NXPE2: variants seen among roughly 807,000 people sequenced by gnomAD.
NXPE2 encodes the protein neurexophilin and PC-esterase domain family member 2, also known as NXPE family member 2.
In NXPE2, 34 loss-of-function variants were observed where a neutral mutation model predicts 34.4. The observed-to-expected ratio is 0.99, with a 90% CI of 0.75 to 1.31. NXPE2 has a LOEUF of 1.31. Among genes scored for constraint, NXPE2 ranks in the 40% most tolerant of loss-of-function variants. NXPE2 has a pLI of 0.00. For synonymous variants in NXPE2, 235 were observed against 231.3 expected (o/e 1.02, Z -0.15); for missense variants, 649 against 672.5 (o/e 0.97, Z 0.39).
At chr11:114,492,778 A>G in the NXPE2 span, among the ~76,000 whole-genome samples, 1 of 152,080 alleles carries the variant, frequency 6.6e-6, no homozygotes, top group Non-Finnish European at 1.5e-5. Flanking sequence ...TGACCTCGTG[A>G]TCCGCCTGCC....
At chr11:114,683,673 C>T (rs1950989347) in intron 2 of NXPE2, among the ~76,000 whole-genome samples, 1 of 152,140 alleles carries the variant, frequency 6.6e-6, no homozygotes, top group Non-Finnish European at 1.5e-5. Flanking sequence ...CCCTCCTTGG[C>T]CTCCCAAGAG....
chr11:114,591,568 A>C, the NXPE2 span, among the ~76,000 whole-genome samples: 1 of 152,078 alleles, frequency 6.6e-6, no homozygotes, highest in East Asian at 1.9e-4. Context: ...AAAGAAATTA[A>C]GCCTCAGTAC....
the NXPE2 span, among the ~76,000 whole-genome samples, chr11:114,663,489 G>C: frequency 1.3e-5 from 2 of 152,080 alleles, no homozygotes; most frequent in Non-Finnish European, 2.9e-5. Context: ...AAGAGCATGA[G>C]TGTCCCACCC....
chr11:114,605,622 G>A, the NXPE2 span, among the ~76,000 whole-genome samples: 8 of 151,890 alleles, frequency 5.3e-5, no homozygotes, highest in Non-Finnish European at 7.4e-5. Flanking sequence ...TGGATAATAA[G>A]TGTTGCCTCG....
intron 3 of NXPE2, among the ~76,000 whole-genome samples, chr11:114,701,438 G>A (rs907760553): frequency 2.6e-5 from 4 of 152,032 alleles, no homozygotes; most frequent in African/African-American, 7.2e-5. Context: ...CTTCTCAAGG[G>A]GGCTGTGCTC....
upstream of NXPE2, among the ~76,000 whole-genome samples, chr11:114,674,933 A>G (rs749437538): frequency 3.3e-5 from 5 of 151,868 alleles, no homozygotes; most frequent in Non-Finnish European, 5.9e-5. Context: ...ATTCAATAGC[A>G]CATTGAAAGA....
the NXPE2 span, among the ~76,000 whole-genome samples, chr11:114,636,031 G>A: frequency 2.0e-5 from 3 of 151,940 alleles, no homozygotes; most frequent in African/African-American, 7.3e-5. Flanking sequence ...AATAGTTTCA[G>A]AAGGAACGGT....
At chr11:114,613,187 G>T in the NXPE2 span, among the ~76,000 whole-genome samples, 1 of 151,786 alleles carries the variant, frequency 6.6e-6, no homozygotes, top group Admixed American at 6.6e-5. Context: ...TTGCCTCTAG[G>T]GTAACCACTG....
the NXPE2 span, among the ~76,000 whole-genome samples, chr11:114,536,394 T>C: frequency 6.6e-5 from 10 of 152,004 alleles, no homozygotes; most frequent in South Asian, 4.2e-4. Flanking sequence ...AGAGCAAACA[T>C]ATTCAAAAGC....
chr11:114,550,674 A>G, the NXPE2 span, among the ~76,000 whole-genome samples: 2,057 of 152,298 alleles, frequency 0.014, 37 homozygotes, highest in African/African-American at 0.046. Context: ...AAAACTTTCT[A>G]ACTGTGACTT....
the NXPE2 span, among the ~76,000 whole-genome samples, chr11:114,603,444 A>G: frequency 1.2e-5 from 1 of 82,084 alleles, no homozygotes; most frequent in Non-Finnish European, 2.6e-5. Context: ...TCCTAGGTAA[A>G]TTCCATTACC....
At chr11:114,806,070 T>C in the NXPE2 span, among the ~76,000 whole-genome samples, 2 of 152,188 alleles carry the variant, frequency 1.3e-5, no homozygotes, top group African/African-American at 4.8e-5. Flanking sequence ...CCGCTGCTGG[T>C]ACCCAGGCAA....
the NXPE2 span, among the ~76,000 whole-genome samples, chr11:114,540,178 A>T: frequency 6.6e-6 from 1 of 152,154 alleles, no homozygotes; most frequent in African/African-American, 2.4e-5. Context: ...GCTGGCCTCA[A>T]ACTCCTGACC....
the NXPE2 span, among the ~76,000 whole-genome samples, chr11:114,616,989 G>T: frequency 6.7e-6 from 1 of 149,928 alleles, no homozygotes; most frequent in Admixed American, 6.6e-5. Flanking sequence ...TTTCCTTGTG[G>T]GTAACCACTG....
the NXPE2 span, among the ~76,000 whole-genome samples, chr11:114,595,220 A>AT: frequency 6.6e-6 from 1 of 152,120 alleles, no homozygotes; most frequent in Non-Finnish European, 1.5e-5. Flanking sequence ...ATTAATGCCA[A>AT]TCTATTAATA....
chr11:114,530,279 A>G, the NXPE2 span: 1 of 1,614,220 alleles, frequency 6.2e-7, no homozygotes, highest in Non-Finnish European at 8.5e-7. Flanking sequence ...GCTTCATACA[A>G]TAGAAGGCTT....
chr11:114,614,545 G>A, the NXPE2 span, among the ~76,000 whole-genome samples: 1 of 151,678 alleles, frequency 6.6e-6, no homozygotes. Flanking sequence ...TTACCCAGTG[G>A]ATACTAAATG....
chr11:114,491,813 G>A, the NXPE2 span, among the ~76,000 whole-genome samples: 1 of 152,296 alleles, frequency 6.6e-6, no homozygotes, highest in African/African-American at 2.4e-5. Context: ...GATACACCAT[G>A]GAATACTATG....
chr11:114,483,642 T>C, the NXPE2 span, among the ~76,000 whole-genome samples: 1 of 152,320 alleles, frequency 6.6e-6, no homozygotes, highest in East Asian at 1.9e-4. Flanking sequence ...TTCCTGTTGT[T>C]GATGGGTAGG....
Sources: allele counts gnomAD v4.1 joint callset (sites outside exome capture counted in the v4.1 genomes callset), GRCh38; gene constraint gnomAD v4.1.1; transcripts MANE v1.5; gene names NCBI Gene and HGNC (gene_info 2026-07-23, HGNC 2026-07-21).